The following COL4A3 variants were observed in gnomAD, a reference collection of about 807,000 sequenced individuals.
COL4A3 encodes the protein collagen alpha-3(IV) chain.
Under a neutral mutation model 217.4 loss-of-function variants are expected in COL4A3, and 135 were observed. The ratio of observed to expected loss-of-function variants is 0.62; its 90% CI spans 0.54 to 0.72. The LOEUF (loss-of-function observed/expected upper bound fraction) is 0.72, where lower values mean the gene tolerates loss of function less well. Ranked by LOEUF, COL4A3 falls within the 30% of genes least tolerant of loss-of-function variation. The pLI is 0.00. For missense variants in COL4A3, 1,868 were observed against 2,119.9 expected, an observed-to-expected ratio of 0.88 and a Z score of 2.33; for synonymous variants, 690 against 736.3, an observed-to-expected ratio of 0.94 and a Z score of 1.02.
intron 1 of COL4A3, among the ~76,000 whole-genome samples, chr2:227,222,827 A>G (rs1295881309): frequency 6.6e-6 from 1 of 152,202 alleles, no homozygotes; most frequent in Non-Finnish European, 1.5e-5. Context: ...TCGCACCTGC[A>G]GCCCCATGGG....
chr2:227,187,206 A>G (rs1461432941), intron 1 of COL4A3, among the ~76,000 whole-genome samples: 2 of 152,212 alleles, frequency 1.3e-5, no homozygotes, highest in African/African-American at 4.8e-5. Flanking sequence ...CATCTTCTTC[A>G]GGAATCTGGA....
intron 1 of COL4A3, among the ~76,000 whole-genome samples, chr2:227,205,940 T>G (rs2125771176): frequency 6.6e-6 from 1 of 152,320 alleles, no homozygotes; most frequent in Non-Finnish European, 1.5e-5. Flanking sequence ...TAGCTGAGGC[T>G]TTAGGGCAAT....
At position 227,280,485 on chromosome 2, in the gene COL4A3, T is replaced by C. The variant is rs564627125; in HGVS notation, c.2269T>C (p.Phe757Leu). ...GCCTGGAGGACCAGGAACACCAGGT[T>C]TTCCAGGAGAAAGAGGCAATTCTGG... ...AMPGGPGTPG[F>L]PGERGNSGEH... The change falls in exon 30 of 52, where the codon TTT (phenylalanine) becomes CTT (leucine). Residue 757 changes from phenylalanine to leucine, a missense_variant. Phe to Leu is a conservative substitution (Grantham distance 22, BLOSUM62 0). Coordinates refer to ENST00000396578, the MANE Select transcript of COL4A3 (RefSeq NM_000091.5). The C allele has an allele frequency of 3.1e-6, 5 of 1,614,022 alleles. No homozygotes were observed. The South Asian group carries it at 5.5e-5, about 18-fold the overall frequency.
chr2:227,287,182 C>T (rs534071338), intron 34 of COL4A3, among the ~76,000 whole-genome samples: 28 of 152,232 alleles, frequency 1.8e-4, no homozygotes, highest in Admixed American at 1.7e-3. Flanking sequence ...GCCTGTAATC[C>T]CAGCCCTTTG....
chr2:227,253,565 T>C lies in COL4A3; in HGVS notation c.692T>C (p.Val231Ala), dbSNP rs747868845. 6 of 1,613,720 alleles carry C rather than the reference T, an allele frequency of 3.7e-6. 1 individual carries two copies. In the Admixed American group the frequency reaches 8.3e-5, roughly 22 times the overall value. The part of the protein sequence containing the change: ...RVIGHKGERG[V>A]KGLTGPPGPP... ...CCTGAGTGTTTTTGTCTTTAGGGTG[T>C]GAAAGGGTTAACAGGACCCCCGGGA... Residue 231 changes from valine (V) to alanine (A), a missense_variant, in exon 13 of 52, where the codon GTG (valine) becomes GCG (alanine). Physicochemically the swap from Val to Ala is moderately conservative, Grantham distance 64. This residue lies in a region of COL4A3 where 365 missense variants were observed against 333.8 expected (regional missense o/e 1.09). Coordinates refer to ENST00000396578, the MANE Select transcript of COL4A3 (RefSeq NM_000091.5). This position sits in a 1 kb window ranked among gnomAD's most constrained non-coding sequence, Gnocchi z 4.4.
At chr2:227,252,944 A>C (rs1459728071) in intron 11 of COL4A3, among the ~76,000 whole-genome samples, 1 of 152,186 alleles carries the variant, frequency 6.6e-6, no homozygotes, top group Non-Finnish European at 1.5e-5. Context: ...TTATTTTTAA[A>C]ACAAGAAAAC....
At chr2:227,209,387 T>G (rs1353291658) in intron 1 of COL4A3, among the ~76,000 whole-genome samples, 6 of 152,226 alleles carry the variant, frequency 3.9e-5, no homozygotes, top group African/African-American at 1.2e-4. Flanking sequence ...ACTTCTGGAC[T>G]TTGCTTGTCA....
chr2:227,254,399 C>T (rs575624302), intron 14 of COL4A3, among the ~76,000 whole-genome samples: 21 of 152,222 alleles, frequency 1.4e-4, no homozygotes, highest in East Asian at 9.7e-4. Context: ...AGTTATTTTA[C>T]GGCCACTCCT....
intron 3 of COL4A3, among the ~76,000 whole-genome samples, chr2:227,241,457 T>C (rs1185902154): frequency 1.3e-5 from 2 of 152,170 alleles, no homozygotes; most frequent in African/African-American, 2.4e-5. Context: ...GAGGATCACT[T>C]GAGCCCACGA....
At chr2:227,212,885 G>A (rs1467474045) in intron 1 of COL4A3, among the ~76,000 whole-genome samples, 4 of 152,178 alleles carry the variant, frequency 2.6e-5, no homozygotes, top group Non-Finnish European at 5.9e-5. Context: ...CAGTTGAGAG[G>A]TTTCAAAGTC....
At chr2:227,170,088 C>G (rs183472913) in intron 1 of COL4A3, among the ~76,000 whole-genome samples, 101 of 152,232 alleles carry the variant, frequency 6.6e-4, no homozygotes, top group African/African-American at 2.0e-3. Context: ...TGGTATTGCA[C>G]TGAACATATA....
In COL4A3 at chr2:227,272,993, T is replaced by C. The variant is rs2071333061; in HGVS notation, c.1803T>C (p.Pro601=). The change falls in exon 26 of 52, where the codon CCT becomes CCC. Residue 601 remains proline, a synonymous_variant. Transcript: ENST00000396578. ...GGGACCAAGGTCCTCCAGGGGATCC[T>C]GGCTCCCCTGGGTCCCCAGGACCTG... ...EKGDQGPPGD[P]GSPGSPGPAG... 6.2e-7 allele frequency: 1 copy of C among 1,614,034 alleles called. No individual in the cohort carries two copies. Among genetic ancestry groups the C allele is most frequent in the South Asian group, 1.1e-5 (1 of 91,070 alleles).
Position 227,307,751 on chromosome 2 carries a change from CGT to C in COL4A3, c.4296_4297del (p.Gly1433ArgfsTer76). ...TGGATTGCCAGGTTTGAAAGGAAAA[CGT>C]GGAGACAGTGGATCACCTGCAACCT... ...SDGLPGLKGKRGDSGSPATWT... is the reference protein window; with the variant it reads ...SDGLPGLKGKXGDSGSPATWT... On this transcript the variant is annotated frameshift_variant, in exon 48 of 52. Coordinates refer to ENST00000396578, the MANE Select transcript of COL4A3 (RefSeq NM_000091.5). LOFTEE classifies it high-confidence loss of function. The C allele has an allele frequency of 6.2e-7, 1 of 1,614,150 alleles. No homozygotes were observed. The highest frequency in any genetic ancestry group is 2.2e-5 in the East Asian group (1 of 44,890).
chr2:227,184,196 C>A (rs2125680572), intron 1 of COL4A3, among the ~76,000 whole-genome samples: 1 of 152,168 alleles, frequency 6.6e-6, no homozygotes, highest in Admixed American at 6.5e-5. Flanking sequence ...AGAGAAGTAC[C>A]CTCAGGATCA....
chr2:227,215,171 GAA>G (rs931055796), intron 1 of COL4A3, among the ~76,000 whole-genome samples: 36 of 151,504 alleles, frequency 2.4e-4, no homozygotes, highest in African/African-American at 8.5e-4. Context: ...TTTTTTTAAT[GAA>G]AAGTCATTAT....
chr2:227,291,124 A>G (rs1276054525), intron 37 of COL4A3: 1 of 500,982 alleles, frequency 2.0e-6, no homozygotes, highest in African/African-American at 1.9e-5. Flanking sequence ...TGTCTCTGCA[A>G]TTTAGGTGTG....
intron 1 of COL4A3, among the ~76,000 whole-genome samples, chr2:227,216,992 TG>T (rs1282337623): frequency 8.5e-5 from 13 of 152,350 alleles, no homozygotes; most frequent in African/African-American, 2.9e-4. Flanking sequence ...GTGACTGTAT[TG>T]GTCTATTCTC....
At chr2:227,216,552 G>A (rs1359449048) in intron 1 of COL4A3, among the ~76,000 whole-genome samples, 1 of 152,082 alleles carries the variant, frequency 6.6e-6, no homozygotes, top group Non-Finnish European at 1.5e-5. Flanking sequence ...TATAGGTAAG[G>A]AAGCAGCAGT....
At chr2:227,233,512 T>C (rs929104739) in intron 1 of COL4A3, among the ~76,000 whole-genome samples, 4 of 152,234 alleles carry the variant, frequency 2.6e-5, no homozygotes, top group African/African-American at 9.6e-5. Flanking sequence ...CTAGTGTTCA[T>C]GTTTCTGTTT....
Sources: gnomAD v4.1 joint callset for allele counts (sites outside exome capture counted in the v4.1 genomes callset) on GRCh38, gnomAD v4.1.1 for gene constraint, gnomAD v4.1.1 regional missense constraint, Gnocchi (gnomAD v3.1) non-coding constraint, MANE v1.5 for transcripts, NCBI Gene and HGNC (gene_info 2026-07-23, HGNC 2026-07-21) for gene names.